The following DNAH10 variants were observed in gnomAD, a reference collection of about 807,000 sequenced individuals.
The protein encoded by DNAH10 is axonemal beta dynein heavy chain 10.
In DNAH10, 348 loss-of-function variants were observed where a neutral mutation model predicts 506.6. That is an observed-to-expected ratio of 0.69 (90% CI 0.63 to 0.75). DNAH10 has a LOEUF of 0.75. Among genes scored for constraint, DNAH10 ranks in the 30% least tolerant of loss-of-function variants. DNAH10 has a pLI of 0.00. For synonymous variants in DNAH10, 2,059 were observed against 2,198.6 expected (o/e 0.94, Z 1.78); for missense variants, 5,179 against 5,787.1 (o/e 0.89, Z 3.41).
At position 123,787,091 on chromosome 12, in the gene DNAH10, A is replaced by G. The variant is rs928601009; in HGVS notation, c.1422-713A>G. On this transcript the variant is annotated intron_variant, in intron 9 of 78. Coordinates refer to ENST00000673944, the MANE Select transcript of DNAH10 (RefSeq NM_001372106.1). This position sits in a 1 kb window ranked among gnomAD's most constrained non-coding sequence, Gnocchi z 4.6. ...GAAGTGGAGGTTGCAGTGAGCCGAG[A>G]TTGCACCTGTCTATATCTGTATCTA... Among the ~76,000 whole-genome samples the G allele has an allele frequency of 6.6e-6, 1 of 152,138 alleles. No homozygotes were observed. The highest frequency in any genetic ancestry group is 1.9e-4 in the East Asian group (1 of 5,180).
rs755768407 is a variant in DNAH10, at chr12:123,826,724, A to G, written c.4217A>G (p.Asn1406Ser). 1.6e-5 allele frequency: 26 copies of G among 1,613,658 alleles called. No individual in the cohort carries two copies. In the Admixed American group the frequency reaches 4.2e-4, roughly 26 times the overall value. The change falls in exon 25 of 79, where the codon AAC (asparagine) becomes AGC (serine). Residue 1406 changes from asparagine to serine, a missense_variant. Physicochemically the swap from Asn to Ser is conservative, Grantham distance 46. Transcript: ENST00000673944. ...KEEWSQTLWI[N>S]LNVQILQEGI... is the part of the protein sequence containing the mutation. ...GAATGGTCTCAGACCCTTTGGATCA[A>G]CCTGAATGTGCAGATTCTCCAGGAA...
At chr12:123,781,712 T>G (rs1011226333) in intron 6 of DNAH10, among the ~76,000 whole-genome samples, 1 of 152,162 alleles carries the variant, frequency 6.6e-6, no homozygotes, top group Non-Finnish European at 1.5e-5. Flanking sequence ...GTGATCCACC[T>G]ACCTTGGCCT....
chr12:123,819,114 T>G, intron 22 of DNAH10, 34 bp from the exon 23 acceptor site: 1 of 1,605,942 alleles, frequency 6.2e-7, no homozygotes. Flanking sequence ...AAAAACGTAT[T>G]TGGGCTAAAT....
chr12:123,918,547 C>G (rs1480039380), intron 64 of DNAH10, 129 bp from the exon 65 acceptor site: 3 of 1,194,298 alleles, frequency 2.5e-6, no homozygotes, highest in Non-Finnish European at 3.4e-6. Flanking sequence ...CCCTCGCTCC[C>G]CTGCAGTCCC....
intron 38 of DNAH10, among the ~76,000 whole-genome samples, chr12:123,859,826 A>T (rs1951547670): frequency 6.6e-6 from 1 of 152,084 alleles, no homozygotes; most frequent in African/African-American, 2.4e-5. Context: ...ATAGTCCAGG[A>T]TTTTGAGAAC....
intron 55 of DNAH10, 144 bp downstream of exon 55, chr12:123,898,111 G>T: frequency 1.3e-6 from 1 of 787,716 alleles, no homozygotes; most frequent in Non-Finnish European, 1.9e-6. Context: ...GTCTTGGAGC[G>T]ATTCTTTCAT....
intron 3 of DNAH10, 147 bp from the exon 4 acceptor site, chr12:123,772,687 G>T: frequency 1.7e-6 from 1 of 602,186 alleles, no homozygotes; most frequent in Non-Finnish European, 2.8e-6. Context: ...TGTTTGGCTG[G>T]TACCCACTGT....
intron 42 of DNAH10, 137 bp downstream of exon 42, chr12:123,867,738 C>T: frequency 2.1e-6 from 3 of 1,398,494 alleles, no homozygotes; most frequent in South Asian, 2.9e-5. Context: ...GGGCGCCGTG[C>T]TTGCTTTTGT....
At position 123,772,514 on chromosome 12, in the gene DNAH10, C is replaced by A. The variant is rs114509061; in HGVS notation, c.397-320C>A. Reference sequence around the variant, plus strand: ...AAGCATTCAGCCTGGCCTATGCTTACCAAAATCGTGCTTCATTGCTTCATA... The same window carrying A: ...AAGCATTCAGCCTGGCCTATGCTTAACAAAATCGTGCTTCATTGCTTCATA... On this transcript the variant is annotated intron_variant, in intron 3 of 78. Transcript: ENST00000673944. 3.3e-3 allele frequency among the ~76,000 whole-genome samples: 507 copies of A among 152,348 alleles called. 3 individuals are homozygous for A. Among genetic ancestry groups the A allele is most frequent in the African/African-American group, 0.012 (483 of 41,576 alleles).
At chr12:123,880,768 T>C (rs539893956) in intron 50 of DNAH10, among the ~76,000 whole-genome samples, 2 of 151,594 alleles carry the variant, frequency 1.3e-5, no homozygotes, top group South Asian at 4.2e-4. Flanking sequence ...GTCATTTACA[T>C]TAGGTGTATC....
Position 123,853,347 on chromosome 12 carries a change from A to G in DNAH10, c.6433A>G (p.Arg2145Gly). The change falls in exon 36 of 79, where the codon AGG (arginine) becomes GGG (glycine). Residue 2145 changes from arginine (R) to glycine (G), a missense_variant. Physicochemically the swap from Arg to Gly is moderately radical, Grantham distance 125. Around this residue, in one of 3 missense-constraint regions of DNAH10, gnomAD observed 4,844 missense variants for 5,430.5 expected, o/e 0.89. Coordinates refer to ENST00000673944, the MANE Select transcript of DNAH10 (RefSeq NM_001372106.1). The surrounding 1 kb of genome is among the most constrained non-coding windows in gnomAD (Gnocchi z 4.7). ...GCTGAAGAGAGGCTCCTCTGACCTTAGGGAGGTAGGGGCCACGTGCTGGAA... is the reference window on the plus strand; with the variant it reads ...GCTGAAGAGAGGCTCCTCTGACCTTGGGGAGGTAGGGGCCACGTGCTGGAA... ...GELKRGSSDL[R>G]EDVVLMRALR... 7 of 1,610,020 alleles carry G rather than the reference A, an allele frequency of 4.3e-6. No homozygotes were observed. The highest frequency in any genetic ancestry group is 5.9e-6 in the Non-Finnish European group (7 of 1,178,434).
intron 5 of DNAH10, among the ~76,000 whole-genome samples, chr12:123,779,530 C>T (rs138833958): frequency 9.2e-5 from 14 of 152,146 alleles, no homozygotes; most frequent in African/African-American, 3.4e-4. Flanking sequence ...ATATCAGCAT[C>T]TCAGCTAATA....
At chr12:123,820,410 G>T (rs1959267335) in intron 23 of DNAH10, among the ~76,000 whole-genome samples, 170 bp from the exon 24 acceptor site, 1 of 152,140 alleles carries the variant, frequency 6.6e-6, no homozygotes, top group Non-Finnish European at 1.5e-5. Context: ...GACTGCAGAT[G>T]TCATTGGTCT....
At chr12:123,838,380 C>G (rs1961404228) in intron 28 of DNAH10, 76 bp from the exon 29 acceptor site, 1 of 1,353,686 alleles carries the variant, frequency 7.4e-7, no homozygotes, top group Non-Finnish European at 1.0e-6. Context: ...TGGTGAGTGC[C>G]TGTTCTGGGC....
intron 15 of DNAH10, among the ~76,000 whole-genome samples, chr12:123,801,035 T>G (rs930255812): frequency 6.6e-6 from 1 of 152,046 alleles, no homozygotes; most frequent in South Asian, 2.1e-4. Flanking sequence ...AAAGAAAAGT[T>G]TAAAATAGGG....
intron 69 of DNAH10, chr12:123,927,077 C>A: frequency 4.1e-6 from 2 of 483,436 alleles, no homozygotes; most frequent in South Asian, 4.9e-5. Context: ...GGGTCTCACT[C>A]TGTCACCCAG....
At chr12:123,833,064 G>A (rs747160741) in intron 26 of DNAH10, 50 bp from the exon 27 acceptor site, 107 of 1,457,166 alleles carry the variant, frequency 7.3e-5, no homozygotes, top group Admixed American at 6.3e-4. Context: ...GTTGGGGCTC[G>A]GTCCTTTCAG....
chr12:123,846,668 T>C lies in DNAH10; in HGVS notation c.5814+514T>C, dbSNP rs1226624578. 6.6e-6 allele frequency among the ~76,000 whole-genome samples: 1 copy of C among 152,150 alleles called. No homozygotes were observed. The highest frequency in any genetic ancestry group is 1.5e-5 in the Non-Finnish European group (1 of 68,022). Reference sequence around the variant, plus strand: ...TGTCAGATGCTTGCTAGTTTTCTTTTTTTAAATTAGAGATGAGGTCTTGAT... The same window carrying C: ...TGTCAGATGCTTGCTAGTTTTCTTTCTTTAAATTAGAGATGAGGTCTTGAT... On this transcript the variant is annotated intron_variant, in intron 32 of 78. Coordinates refer to ENST00000673944, the MANE Select transcript of DNAH10 (RefSeq NM_001372106.1). The surrounding 1 kb of genome is among the most constrained non-coding windows in gnomAD (Gnocchi z 4.5).
At position 123,909,928 on chromosome 12, in the gene DNAH10, A is replaced by T. The variant is rs1029246341; in HGVS notation, c.9997+486A>T. 5.9e-5 allele frequency among the ~76,000 whole-genome samples: 9 copies of T among 152,116 alleles called. No individual in the cohort carries two copies. The South Asian group carries it at 6.2e-4, about 11-fold the overall frequency. The stretch of plus-strand genomic sequence containing the variant: ...CCTCTCCTCCATCTTTGGTTATAGG[A>T]CTGAGTTCCCCTTGAGCTCAGTTCC... On this transcript the variant is annotated intron_variant, in intron 58 of 78. Transcript: ENST00000673944. This position sits in a 1 kb window ranked among gnomAD's most constrained non-coding sequence, Gnocchi z 5.4.
Sources: gnomAD v4.1 joint callset for allele counts (sites outside exome capture counted in the v4.1 genomes callset) on GRCh38, gnomAD v4.1.1 for gene constraint, gnomAD v4.1.1 regional missense constraint, Gnocchi (gnomAD v3.1) non-coding constraint, MANE v1.5 for transcripts, NCBI Gene and HGNC (gene_info 2026-07-23, HGNC 2026-07-21) for gene names.